Variants in IGFL2 observed in about 807,000 individuals in gnomAD.
The protein encoded by IGFL2 is insulin growth factor-like family member 2.
A neutral mutation model predicts 13.9 loss-of-function variants in IGFL2; 7 were observed. The observed-to-expected ratio is 0.51, with a 90% CI of 0.29 to 0.95. IGFL2 has a LOEUF of 0.95. IGFL2 is among the 40% of genes least tolerant of loss of function. The probability of loss-of-function intolerance (pLI) is 0.08; values close to 1 mark genes in which losing one functional copy is unlikely to be tolerated. For synonymous variants in IGFL2, 55 were observed against 55.8 expected, an observed-to-expected ratio of 0.99 and a Z score of 0.07; for missense variants, 138 against 147.8, an observed-to-expected ratio of 0.93 and a Z score of 0.34.
the IGFL2 span, chr19:46,212,713 T>TTCTCTCTCTCTCTCTC: frequency 1.5e-3 from 216 of 148,708 alleles, no homozygotes; most frequent in African/African-American, 5.1e-3. Flanking sequence ...TTCTCCTACC[T>TTCTCTCTCTCTCTCTC]TCTCTCTCTC....
chr19:46,148,165 AG>A (rs1973239119), upstream of IGFL2: 1 of 865,742 alleles, frequency 1.2e-6, no homozygotes. Context: ...CCAAGAGGCC[AG>A]TGCTTCTGGG....
chr19:46,126,208 A>G, the IGFL2 span, among the ~76,000 whole-genome samples: 1 of 152,296 alleles, frequency 6.6e-6, no homozygotes, highest in African/African-American at 2.4e-5. Context: ...AATATATGGG[A>G]AATAAATCTG....
the IGFL2 span, chr19:46,204,105 C>T: frequency 4.6e-5 from 7 of 152,180 alleles, no homozygotes; most frequent in Admixed American, 2.6e-4. Flanking sequence ...AAATCATACC[C>T]GGATGCCACC....
the IGFL2 span, among the ~76,000 whole-genome samples, chr19:46,176,009 AT>A: frequency 3.6e-3 from 261 of 71,884 alleles, 2 homozygotes; most frequent in African/African-American, 0.012. Context: ...CGCCCGACTA[AT>A]TTTTTTTTTT....
chr19:46,186,455 C>G, the IGFL2 span, among the ~76,000 whole-genome samples: 1 of 152,194 alleles, frequency 6.6e-6, no homozygotes, highest in Non-Finnish European at 1.5e-5. Flanking sequence ...TGACCCCATG[C>G]TATTGTGGAA....
upstream of IGFL2, among the ~76,000 whole-genome samples, chr19:46,140,116 A>G (rs958162863): frequency 7.2e-5 from 11 of 151,760 alleles, no homozygotes; most frequent in Non-Finnish European, 1.6e-4. Flanking sequence ...TGCTGGGCCA[A>G]TTTTTGTATT....
the IGFL2 span, among the ~76,000 whole-genome samples, chr19:46,173,377 C>T: frequency 2.0e-5 from 3 of 152,198 alleles, no homozygotes; most frequent in African/African-American, 7.2e-5. Context: ...AGCAGACTAC[C>T]TCTGTTGGTC....
chr19:46,166,198 T>G (rs1974397952), downstream of IGFL2, among the ~76,000 whole-genome samples: 1 of 152,170 alleles, frequency 6.6e-6, no homozygotes, highest in Admixed American at 6.5e-5. Context: ...TCACATAGGT[T>G]CTTTTCTATT....
At chr19:46,190,018 T>C in the IGFL2 span, 5 of 152,044 alleles carry the variant, frequency 3.3e-5, no homozygotes, top group African/African-American at 1.2e-4. Flanking sequence ...GGGGCTGAAA[T>C]CAGGAACTCT....
chr19:46,197,243 A>T, the IGFL2 span: 1 of 197,890 alleles, frequency 5.1e-6, no homozygotes, highest in South Asian at 9.7e-5. Context: ...AAAGGCCAGA[A>T]GTGCTCCTTG....
chr19:46,133,386 G>T, the IGFL2 span, among the ~76,000 whole-genome samples: 1 of 152,160 alleles, frequency 6.6e-6, no homozygotes, highest in South Asian at 2.1e-4. Context: ...TGCTGTGTCT[G>T]GCTTCCGTTG....
At chr19:46,116,544 C>G in the IGFL2 span, among the ~76,000 whole-genome samples, 1 of 152,184 alleles carries the variant, frequency 6.6e-6, no homozygotes, top group South Asian at 2.1e-4. Context: ...CTAATTAGAA[C>G]AATTTTTAAA....
chr19:46,201,935 G>A, the IGFL2 span, among the ~76,000 whole-genome samples: 1 of 152,066 alleles, frequency 6.6e-6, no homozygotes, highest in Non-Finnish European at 1.5e-5. Flanking sequence ...GGCTAGTCAC[G>A]GAACAAAACT....
At chr19:46,165,708 T>C (rs531671870), downstream of IGFL2, among the ~76,000 whole-genome samples, 31 of 152,212 alleles carry the variant, frequency 2.0e-4, no homozygotes, top group Admixed American at 9.8e-4. Context: ...AGGCAATGCC[T>C]GCACTTGGAT....
the IGFL2 span, among the ~76,000 whole-genome samples, chr19:46,092,082 ATTACT>A: frequency 6.6e-6 from 1 of 152,176 alleles, no homozygotes; most frequent in Admixed American, 6.5e-5. Flanking sequence ...AAGTTAAATA[ATTACT>A]TTCATTCACT....
intron 1 of IGFL2, among the ~76,000 whole-genome samples, chr19:46,150,720 G>A (rs891139149): frequency 2.6e-5 from 4 of 151,936 alleles, no homozygotes; most frequent in Admixed American, 2.6e-4. Flanking sequence ...GCCCAGTCTG[G>A]AGTGCAGTGG....
At chr19:46,131,028 T>C in the IGFL2 span, among the ~76,000 whole-genome samples, 7 of 152,220 alleles carry the variant, frequency 4.6e-5, no homozygotes, top group African/African-American at 1.7e-4. Context: ...GTTCTATGAA[T>C]AGTTCTATAT....
the IGFL2 span, among the ~76,000 whole-genome samples, chr19:46,090,276 T>C: frequency 1.3e-5 from 2 of 152,238 alleles, no homozygotes; most frequent in Non-Finnish European, 2.9e-5. Context: ...TTGAATTGTT[T>C]CTCTGTATTT....
At chr19:46,094,908 T>A in the IGFL2 span, among the ~76,000 whole-genome samples, 1 of 152,212 alleles carries the variant, frequency 6.6e-6, no homozygotes, top group African/African-American at 2.4e-5. Context: ...ATGTGCCATG[T>A]TTTCTTTGTC....
Sources: gnomAD v4.1 joint callset for allele counts (sites outside exome capture counted in the v4.1 genomes callset) on GRCh38, gnomAD v4.1.1 for gene constraint, MANE v1.5 for transcripts, NCBI Gene and HGNC (gene_info 2026-07-23, HGNC 2026-07-21) for gene names.